Variants in IGSF9B observed in about 807,000 individuals in gnomAD.
IGSF9B encodes the protein protein turtle homolog B.
In IGSF9B, 48 loss-of-function variants were observed where a neutral mutation model predicts 143.7. The ratio of observed to expected loss-of-function variants is 0.33; its 90% CI spans 0.26 to 0.42. The LOEUF (loss-of-function observed/expected upper bound fraction) is 0.42, where lower values mean the gene tolerates loss of function less well. Among genes scored for constraint, IGSF9B ranks in the 20% least tolerant of loss-of-function variants. The probability of loss-of-function intolerance (pLI) is 1.00; values close to 1 mark genes in which losing one functional copy is unlikely to be tolerated. For missense variants in IGSF9B, 1,706 were observed against 1,980.0 expected (o/e 0.86, Z 2.63); for synonymous variants, 903 against 833.1 (o/e 1.08, Z -1.44).
rs889470442 is a variant in IGSF9B, at chr11:133,900,713, A to C, written c.*8356T>G. On this transcript the variant is annotated 3_prime_UTR_variant, in exon 20 of 20. Transcript: ENST00000533871. ...AATGGCACTTTATTTCCAATTAAAAATAACTGAAAAAAACATAGATGACAT... is the reference window on the plus strand; with the variant it reads ...AATGGCACTTTATTTCCAATTAAAACTAACTGAAAAAAACATAGATGACAT... 9.8e-5 allele frequency: 15 copies of C among 152,340 alleles called. No homozygotes were observed. Among genetic ancestry groups the C allele is most frequent in the Admixed American group, 7.2e-4 (11 of 15,280 alleles). The allele number at this position is 152,340 out of a possible 1,614,324, so 9.4% of individuals were successfully genotyped here.
rs755226734 is a variant in IGSF9B at position 133,909,226 on chromosome 11, G to A, written c.4157C>T (p.Pro1386Leu). The A allele has an allele frequency of 6.5e-7, 1 of 1,535,892 alleles. No homozygotes were observed. Among genetic ancestry groups the A allele is most frequent in the Non-Finnish European group, 8.7e-7 (1 of 1,146,736 alleles). The change falls in exon 20 of 20, where the codon CCC becomes CTC. Residue 1386 changes from proline (P) to leucine (L), a missense_variant. Transcript: ENST00000533871. This position sits in a 1 kb window ranked among gnomAD's most constrained non-coding sequence, Gnocchi z 4.2. The stretch of plus-strand genomic sequence containing the variant: ...CTTTCGGAGGCAGACAGCTTCATCG[G>A]GCCACAGAACCTGAGAGTTGGGAAG... The part of the protein sequence containing the change: ...QQLPNSQVLW[P>L]DEAVCLRKKK...
chr11:133,946,601 C>T (rs893457516), intron 1 of IGSF9B, among the ~76,000 whole-genome samples: 2 of 152,184 alleles, frequency 1.3e-5, no homozygotes, highest in African/African-American at 4.8e-5. Flanking sequence ...TGGCATCCTG[C>T]CCCAAGAATT....
intron 14 of IGSF9B, 77 bp downstream of exon 14, chr11:133,925,662 C>G (rs1939610129): frequency 7.7e-7 from 1 of 1,300,830 alleles, no homozygotes; most frequent in Non-Finnish European, 1.1e-6. Context: ...GTTGGTCACT[C>G]AAAGCTTCCA....
Position 133,920,532 on chromosome 11 carries a change from C to T in IGSF9B, c.3193G>A (p.Asp1065Asn). ...TTGGGCTGCAGACTCTCGGGCACATCACAGGGTGGCAGCTGGTGGGGGAAC... is the reference window on the plus strand; with the variant it reads ...TTGGGCTGCAGACTCTCGGGCACATTACAGGGTGGCAGCTGGTGGGGGAAC... ...MMFPHQLPPC[D>N]VPESLQPKAG... The change falls in exon 18 of 20, where the codon GAT becomes AAT. Residue 1065 changes from aspartate (D) to asparagine (N), a missense_variant. This residue lies in a region of IGSF9B where 880 missense variants were observed against 762.9 expected (regional missense o/e 1.15). Coordinates refer to ENST00000533871, the MANE Select transcript of IGSF9B (RefSeq NM_001277285.4). The T allele has an allele frequency of 6.2e-7, 1 of 1,609,676 alleles. No homozygotes were observed. Among genetic ancestry groups the T allele is most frequent in the Non-Finnish European group, 8.5e-7 (1 of 1,178,036 alleles).
At chr11:133,916,963 C>T (rs1939395214) in intron 18 of IGSF9B, among the ~76,000 whole-genome samples, 1 of 152,196 alleles carries the variant, frequency 6.6e-6, no homozygotes, top group Non-Finnish European at 1.5e-5. Flanking sequence ...CCCACAATTC[C>T]AGGGCCTCTG....
At chr11:133,947,170 G>C (rs921056035) in intron 1 of IGSF9B, among the ~76,000 whole-genome samples, 1 of 152,132 alleles carries the variant, frequency 6.6e-6, no homozygotes, top group Non-Finnish European at 1.5e-5. Flanking sequence ...ACAAGCTAGA[G>C]GACGCCGCAG....
chr11:133,941,254 T>C (rs749792725), intron 3 of IGSF9B, among the ~76,000 whole-genome samples: 6 of 152,166 alleles, frequency 3.9e-5, no homozygotes, highest in Non-Finnish European at 5.9e-5. Flanking sequence ...AGGTTAGAAA[T>C]AGGCTGCCCT....
At chr11:133,943,312 C>T (rs1939985783) in intron 3 of IGSF9B, among the ~76,000 whole-genome samples, 2 of 152,290 alleles carry the variant, frequency 1.3e-5, no homozygotes, top group Admixed American at 1.3e-4. Flanking sequence ...AAAAACAAAA[C>T]GAAATGTTTT....
At chr11:133,921,980 T>C (rs936409921) in intron 17 of IGSF9B, among the ~76,000 whole-genome samples, 197 bp downstream of exon 17, 3 of 152,080 alleles carry the variant, frequency 2.0e-5, no homozygotes, top group African/African-American at 7.2e-5. Context: ...GTGGACAACT[T>C]ACAATTAACA....
chr11:133,906,963 G>A lies in IGSF9B; in HGVS notation c.*2106C>T, dbSNP rs529677420. 2.6e-4 allele frequency among the ~76,000 whole-genome samples: 40 copies of A among 152,298 alleles called. No homozygotes were observed. The highest frequency in any genetic ancestry group is 9.4e-4 in the African/African-American group (39 of 41,562). On this transcript the variant is annotated 3_prime_UTR_variant, in exon 20 of 20. Transcript: ENST00000533871. Reference sequence around the variant, plus strand: ...GTGAGCAGCACATCACGACGCGGGGGCAGAGGGTGTGCTACCTGGAAAAAA... The same window carrying A: ...GTGAGCAGCACATCACGACGCGGGGACAGAGGGTGTGCTACCTGGAAAAAA...
At chr11:133,936,239 G>A (rs775476034) in intron 5 of IGSF9B, 45 bp from the exon 6 acceptor site, 36 of 1,577,144 alleles carry the variant, frequency 2.3e-5, no homozygotes, top group South Asian at 6.9e-5. Context: ...GATCAGGGAC[G>A]GCAGCAGCAC....
At chr11:133,935,565 C>A (rs1350012786) in intron 7 of IGSF9B, 52 bp downstream of exon 7, 56 of 1,568,398 alleles carry the variant, frequency 3.6e-5, no homozygotes, top group Non-Finnish European at 4.8e-5. Flanking sequence ...CTGGCTAACA[C>A]CAAAACCTTC....
At chr11:133,936,493 C>T (rs908372275) in intron 5 of IGSF9B, among the ~76,000 whole-genome samples, 20 of 152,262 alleles carry the variant, frequency 1.3e-4, no homozygotes, top group African/African-American at 4.3e-4. Context: ...AAATCTAGAG[C>T]GAGGAATAGT....
rs996904614 is a variant in IGSF9B at position 133,902,918 on chromosome 11, G to A, written c.*6151C>T. On this transcript the variant is annotated 3_prime_UTR_variant, in exon 20 of 20. Coordinates refer to ENST00000533871, the MANE Select transcript of IGSF9B (RefSeq NM_001277285.4). ...TTCTACCACCAGCGTGAGGAGGGCT[G>A]GGCACTCGCCCCTCCCATGGCTTAT... Among the ~76,000 whole-genome samples the A allele has an allele frequency of 6.6e-6, 1 of 152,074 alleles. No individual in the cohort carries two copies. Among genetic ancestry groups the A allele is most frequent in the Non-Finnish European group, 1.5e-5 (1 of 68,018 alleles).
rs938410350 is a variant in IGSF9B at position 133,903,675 on chromosome 11, G to T, written c.*5394C>A. On this transcript the variant is annotated 3_prime_UTR_variant, in exon 20 of 20. Transcript: ENST00000533871. ...TGTTTTTCTAACAGCTTAAAATGAG[G>T]TTGAAAAAAACTTCCACCTTCTCGG... 6.6e-6 allele frequency among the ~76,000 whole-genome samples: 1 copy of T among 152,058 alleles called. No individual in the cohort carries two copies. The highest frequency in any genetic ancestry group is 1.5e-5 in the Non-Finnish European group (1 of 68,000).
rs570935212 is a variant in IGSF9B, at chr11:133,943,895, G to A, written c.409+325C>T. Reference sequence around the variant, plus strand: ...CCCAAGGCTGGGAAATAATCCCAGCGGTGACCCATTTTGCCACCTTAAAGC... The same window carrying A: ...CCCAAGGCTGGGAAATAATCCCAGCAGTGACCCATTTTGCCACCTTAAAGC... On this transcript the variant is annotated intron_variant, in intron 3 of 19. Transcript: ENST00000533871. Among the ~76,000 whole-genome samples the A allele has an allele frequency of 7.2e-5, 11 of 152,294 alleles. No homozygotes were observed. In the South Asian group the frequency reaches 1.0e-3, roughly 14 times the overall value.
At position 133,949,669 on chromosome 11, in the gene IGSF9B, G is replaced by T. The variant is rs536940406; in HGVS notation, c.65-3411C>A. Reference sequence around the variant, plus strand: ...ACACACCTGTGTGTGTCTGTGTTCTGTCAGAACACCCCAGAGCCTGGGTGG... The same window carrying T: ...ACACACCTGTGTGTGTCTGTGTTCTTTCAGAACACCCCAGAGCCTGGGTGG... On this transcript the variant is annotated intron_variant, in intron 1 of 19. Transcript: ENST00000533871. 2.6e-5 allele frequency among the ~76,000 whole-genome samples: 4 copies of T among 151,952 alleles called. No homozygotes were observed. The East Asian group carries it at 7.8e-4, about 30-fold the overall frequency.
Position 133,911,977 on chromosome 11 carries a change from A to T in IGSF9B, c.4014T>A (p.Ala1338=). The part of the protein sequence containing the change: ...GTLPPAPGNA[A]APERLEALKY... ...TCAGAGCCTCCAGCCTCTCAGGCGC[A>T]GCAGCGTTCCCGGGTGCAGGTGGAA... The change falls in exon 19 of 20, where the codon GCT becomes GCA. Residue 1338 remains alanine, a synonymous_variant. Transcript: ENST00000533871. 1 of 1,533,802 alleles carries T rather than the reference A, an allele frequency of 6.5e-7. No homozygotes were observed. The highest frequency in any genetic ancestry group is 8.7e-7 in the Non-Finnish European group (1 of 1,146,204).
intron 5 of IGSF9B, 42 bp downstream of exon 5, chr11:133,937,334 G>T: frequency 6.9e-7 from 1 of 1,454,848 alleles, no homozygotes; most frequent in Admixed American, 1.7e-5. Context: ...GGACATCCCC[G>T]CGGGAGCCCA....
Sources: allele counts gnomAD v4.1 joint callset (sites outside exome capture counted in the v4.1 genomes callset), GRCh38; gene constraint gnomAD v4.1.1; regional missense constraint gnomAD v4.1.1; non-coding constraint Gnocchi (gnomAD v3.1); transcripts MANE v1.5; gene names NCBI Gene and HGNC (gene_info 2026-07-23, HGNC 2026-07-21).